The following ZNF687 variants were observed in gnomAD, a reference collection of about 807,000 sequenced individuals.
ZNF687 encodes the protein zinc finger protein 687.
ZNF687 carries 13 observed loss-of-function variants against 71.8 expected under a neutral mutation model. The observed-to-expected ratio is 0.18, with a 90% CI of 0.12 to 0.29. ZNF687 has a LOEUF of 0.29. Among genes scored for constraint, ZNF687 ranks in the 10% least tolerant of loss-of-function variants. The pLI, the probability that ZNF687 is intolerant of heterozygous loss-of-function variation, is 1.00. For synonymous variants in ZNF687, 673 were observed against 641.6 expected, an observed-to-expected ratio of 1.05 and a Z score of -0.74; for missense variants, 1,412 against 1,625.6, an observed-to-expected ratio of 0.87 and a Z score of 2.26.
At chr1:151,289,647 CA>C (rs1444151288) in intron 5 of ZNF687, 30 bp from the exon 6 acceptor site, 1 of 1,591,932 alleles carries the variant, frequency 6.3e-7, no homozygotes, top group Non-Finnish European at 8.6e-7. Flanking sequence ...CCCTCCCCCA[CA>C]ACAGCAACCT....
chr1:151,283,761 G>A, intron 1 of ZNF687: 1 of 917,372 alleles, frequency 1.1e-6, no homozygotes, highest in Non-Finnish European at 1.3e-6. Context: ...GAATTGAATA[G>A]GGTGGGGGTG....
Position 151,286,799 on chromosome 1 carries a change from C to T in ZNF687, c.508C>T (p.Pro170Ser). 6.2e-7 allele frequency: 1 copy of T among 1,614,228 alleles called. No individual in the cohort carries two copies. The change falls in exon 2 of 9, where the codon CCA becomes TCA. Residue 170 changes from proline (P) to serine (S), a missense_variant. Around this residue, in one of 8 missense-constraint regions of ZNF687, gnomAD observed 490 missense variants for 489.9 expected, o/e 1.00. Coordinates refer to ENST00000336715, the MANE Select transcript of ZNF687 (RefSeq NM_020832.3). ...CCTGTTTGCTCATTTTGGCCCTGAG[C>T]CAGGGGACCACTCAGATCCGCTGCC... Reference protein sequence around the residue: ...LDLFAHFGPEPGDHSDPLPPS... With the variant: ...LDLFAHFGPESGDHSDPLPPS...
At chr1:151,288,818 G>A (rs1398888173) in intron 3 of ZNF687, 112 bp downstream of exon 3, 2 of 1,333,554 alleles carry the variant, frequency 1.5e-6, no homozygotes, top group Non-Finnish European at 2.1e-6. Context: ...CAGCCCTGTT[G>A]TTTTGCCAGA....
Position 151,289,185 on chromosome 1 carries a change from C to T in ZNF687, c.2385C>T (p.Pro795=). The T allele has an allele frequency of 4.3e-6, 7 of 1,614,210 alleles. No homozygotes were observed. The highest frequency in any genetic ancestry group is 5.9e-6 in the Non-Finnish European group (7 of 1,180,052). ...ACTGCGAGGTTTTCCACAAGTGCCC[C>T]ATCTGCCCCATGGCCTTCAAGTCTG... The part of the protein sequence containing the change: ...TSHCEVFHKC[P]ICPMAFKSGP... Residue 795 remains proline (P), a synonymous_variant, in exon 4 of 9, where the codon CCC becomes CCT. Coordinates refer to ENST00000336715, the MANE Select transcript of ZNF687 (RefSeq NM_020832.3).
At chr1:151,288,904 G>A (rs1275980942) in intron 3 of ZNF687, among the ~76,000 whole-genome samples, 191 bp from the exon 4 acceptor site, 1 of 152,218 alleles carries the variant, frequency 6.6e-6, no homozygotes, top group Non-Finnish European at 1.5e-5. Context: ...CACCTCTGGA[G>A]CTCCAGCTCT....
Position 151,290,762 on chromosome 1 carries a change from G to A in ZNF687, c.3267G>A (p.Glu1089=), listed in dbSNP as rs199499467. 1 of 1,613,098 alleles carries A rather than the reference G, an allele frequency of 6.2e-7. No homozygotes were observed. The highest frequency in any genetic ancestry group is 2.2e-5 in the East Asian group (1 of 44,888). ...AGTCTTCTGACTCTTGCAGTGAGGA[G>A]CCTGACAGCACGACACCGCCAGCCA... The part of the protein sequence containing the change: ...RRQSSDSCSE[E]PDSTTPPAKS... Residue 1089 remains glutamate, a synonymous_variant, in exon 9 of 9, where the codon GAG becomes GAA. Transcript: ENST00000336715.
At chr1:151,282,099 G>C, upstream of ZNF687, 1 of 1,277,476 alleles carries the variant, frequency 7.8e-7, no homozygotes, top group South Asian at 1.3e-5. Flanking sequence ...GAGGGCCTCG[G>C]CCCCTTGCCC....
chr1:151,285,417 A>ATT (rs747345360), intron 1 of ZNF687: 7 of 139,766 alleles, frequency 5.0e-5, no homozygotes, highest in African/African-American at 1.3e-4. Context: ...TGTTCCCTGT[A>ATT]TTTTTTTTTT....
Position 151,286,915 on chromosome 1 carries a change from C to T in ZNF687, c.624C>T (p.Gly208=). The part of the protein sequence containing the change: ...SFELAQENGP[G]MQPPVSSPPL... ...AGCTGGCCCAGGAGAATGGCCCAGG[C>T]ATGCAGCCACCTGTTTCTTCCCCAC... The change falls in exon 2 of 9, where the codon GGC becomes GGT. Residue 208 remains glycine (G), a synonymous_variant. Transcript: ENST00000336715. The T allele has an allele frequency of 6.2e-7, 1 of 1,612,994 alleles. No individual in the cohort carries two copies. Among genetic ancestry groups the T allele is most frequent in the Non-Finnish European group, 8.5e-7 (1 of 1,179,362 alleles).
At position 151,287,739 on chromosome 1, in the gene ZNF687, G is replaced by A. The variant is rs768369896; in HGVS notation, c.1448G>A (p.Ser483Asn). ...CCTTCAAAGACAGCTACTGGGCCAA[G>A]TACAGGGGGCGGCACAGTGATATCA... ...VQPSKTATGP[S>N]TGGGTVISRT... is the part of the protein sequence containing the mutation. Residue 483 changes from serine to asparagine, a missense_variant, in exon 2 of 9, where the codon AGT becomes AAT. Ser to Asn is a conservative substitution (Grantham distance 46). Coordinates refer to ENST00000336715, the MANE Select transcript of ZNF687 (RefSeq NM_020832.3). The surrounding 1 kb of genome is among the most constrained non-coding windows in gnomAD (Gnocchi z 5.0). 9.9e-6 allele frequency: 16 copies of A among 1,613,934 alleles called. No individual in the cohort carries two copies. The East Asian group carries it at 3.3e-4, about 34-fold the overall frequency.
chr1:151,289,789 G>A lies in ZNF687; in HGVS notation c.2746G>A (p.Ala916Thr). Residue 916 changes from alanine (A) to threonine (T), a missense_variant, in exon 6 of 9, where the codon GCC becomes ACC. By Grantham distance (58) the Ala-to-Thr change is moderately conservative (BLOSUM62 0). This residue lies in a region of ZNF687 where 135 missense variants were observed against 104.1 expected (regional missense o/e 1.30). Transcript: ENST00000336715. ...EELAVSQGGA[A>T]PATEESSSSS... ...GCTGGCTGTTTCTCAGGGAGGGGCA[G>A]CCCCTGCTACTGAGGAGTCGTCTTC... The A allele has an allele frequency of 6.4e-7, 1 of 1,563,702 alleles. No individual in the cohort carries two copies. Among genetic ancestry groups the A allele is most frequent in the Non-Finnish European group, 8.7e-7 (1 of 1,153,484 alleles).
intron 1 of ZNF687, chr1:151,283,781 C>T (rs1693832725): frequency 2.1e-6 from 2 of 972,016 alleles, no homozygotes; most frequent in African/African-American, 3.5e-5. Context: ...GAGGGGAGGA[C>T]TCCCCCTTTG....
In ZNF687 at chr1:151,289,725, CG is replaced by C. The variant is rs1571103704; in HGVS notation, c.2687del (p.Gly896ValfsTer4). ...RLEETAGKGA[G>X]GALLTPKTEP... ...TGGAGGAGACTGCTGGGAAAGGGGC[CG>C]GGGGTGCCCTGCTGACCCCCAAGAC... On this transcript the variant is annotated frameshift_variant, in exon 6 of 9. Transcript: ENST00000336715. LOFTEE classifies it high-confidence loss of function. The C allele has an allele frequency of 1.3e-6, 2 of 1,560,398 alleles. No homozygotes were observed. The highest frequency in any genetic ancestry group is 1.7e-6 in the Non-Finnish European group (2 of 1,151,516).
At chr1:151,283,570 G>A (rs1693819746) in intron 1 of ZNF687, among the ~76,000 whole-genome samples, 1 of 152,034 alleles carries the variant, frequency 6.6e-6, no homozygotes, top group South Asian at 2.1e-4. Flanking sequence ...GGTGGCTGGC[G>A]GGGTGTGGGG....
chr1:151,290,032 C>A, intron 6 of ZNF687, 25 bp downstream of exon 6: 1 of 1,600,072 alleles, frequency 6.2e-7, no homozygotes, highest in Non-Finnish European at 8.5e-7. Context: ...AGGGGAGTAC[C>A]ATGGGCTGGG....
chr1:151,289,820 C>G lies in ZNF687; in HGVS notation c.2777C>G (p.Ser926Ter). 6.4e-7 allele frequency: 1 copy of G among 1,569,006 alleles called. No individual in the cohort carries two copies. The stretch of plus-strand genomic sequence containing the variant: ...GCTACTGAGGAGTCGTCTTCATCTT[C>G]AGAAGAGGAGGAAGTACCCAGCTCC... ...APATEESSSS[S>*]EEEEVPSSPE... Residue 926 changes from serine to a stop codon, truncating the protein, a stop_gained, in exon 6 of 9, where the codon TCA becomes TGA. Coordinates refer to ENST00000336715, the MANE Select transcript of ZNF687 (RefSeq NM_020832.3). LOFTEE classifies it high-confidence loss of function.
Position 151,288,786 on chromosome 1 carries a change from C to T in ZNF687, c.2294+80C>T, listed in dbSNP as rs181957311. ...GCCTCAGATGGCCTTTCAAGATCCC[C>T]TATCTTCCCTGCTATATCCCTCAGC... On this transcript the variant is annotated intron_variant, in intron 3 of 8. Coordinates refer to ENST00000336715, the MANE Select transcript of ZNF687 (RefSeq NM_020832.3). The T allele has an allele frequency of 5.9e-5, 86 of 1,446,972 alleles. No homozygotes were observed. The African/African-American group carries it at 1.0e-3, about 17-fold the overall frequency. The allele number at this position is 1,446,972 out of a possible 1,614,324, so 89.6% of individuals were successfully genotyped here. A position where few individuals can be genotyped will look rare whatever the true frequency, so the allele number is the denominator to read the frequency against.
In ZNF687 at chr1:151,290,969, CAAG is replaced by C. The variant is rs781012462; in HGVS notation, c.3479_3481del (p.Lys1160del). 5.0e-5 allele frequency: 81 copies of C among 1,613,970 alleles called. 1 individual carries two copies. In the Admixed American group the frequency reaches 8.8e-4, roughly 18 times the overall value. ...TGAGCCGACACCGTTTCATCAGCCA[CAAG>C]AAGAGACGGGGTGTGGGTAAAGCCA... On this transcript the variant is annotated inframe_deletion, in exon 9 of 9. Transcript: ENST00000336715.
chr1:151,287,075 T>C lies in ZNF687; in HGVS notation c.784T>C (p.Phe262Leu), dbSNP rs1181090676. 9 of 1,612,526 alleles carry C rather than the reference T, an allele frequency of 5.6e-6. No individual in the cohort carries two copies. Among genetic ancestry groups the C allele is most frequent in the East Asian group, 2.2e-5 (1 of 44,858 alleles). The change falls in exon 2 of 9, where the codon TTC (phenylalanine) becomes CTC (leucine). Residue 262 changes from phenylalanine (F) to leucine (L), a missense_variant. By Grantham distance (22) the Phe-to-Leu change is conservative. This residue lies in a region of ZNF687 where 490 missense variants were observed against 489.9 expected (regional missense o/e 1.00). Coordinates refer to ENST00000336715, the MANE Select transcript of ZNF687 (RefSeq NM_020832.3). This position sits in a 1 kb window ranked among gnomAD's most constrained non-coding sequence, Gnocchi z 5.0. ...GCCTCCCCCAGTTGCTGGGGTGCCCTTCTTCAAGCAGTCTCCAGGGCACCA... is the reference window on the plus strand; with the variant it reads ...GCCTCCCCCAGTTGCTGGGGTGCCCCTCTTCAAGCAGTCTCCAGGGCACCA... ...ASPPPVAGVP[F>L]FKQSPGHQSP...
Sources: allele counts gnomAD v4.1 joint callset (sites outside exome capture counted in the v4.1 genomes callset), GRCh38; gene constraint gnomAD v4.1.1; regional missense constraint gnomAD v4.1.1; non-coding constraint Gnocchi (gnomAD v3.1); transcripts MANE v1.5; gene names NCBI Gene and HGNC (gene_info 2026-07-23, HGNC 2026-07-21).